MTURN: variants seen among roughly 807,000 people sequenced by gnomAD.
MTURN encodes the protein maturin.
In MTURN, 7 loss-of-function variants were observed where a neutral mutation model predicts 14.9. The ratio of observed to expected loss-of-function variants is 0.47; its 90% CI spans 0.27 to 0.88. MTURN has a LOEUF of 0.88. Ranked by LOEUF, MTURN falls within the 40% of genes least tolerant of loss-of-function variation. The pLI, the probability that MTURN is intolerant of heterozygous loss-of-function variation, is 0.14. For missense variants in MTURN, 151 were observed against 174.1 expected, an observed-to-expected ratio of 0.87 and a Z score of 0.75; for synonymous variants, 69 against 72.5, an observed-to-expected ratio of 0.95 and a Z score of 0.25.
At chr7:30,146,016 A>G in intron 1 of MTURN, 161 bp from the exon 2 acceptor site, 1 of 1,556,748 alleles carries the variant, frequency 6.4e-7, no homozygotes, top group Non-Finnish European at 8.7e-7. Context: ...TTCCCTTTCA[A>G]CGCAAACAAA....
intron 1 of MTURN, among the ~76,000 whole-genome samples, chr7:30,142,981 G>T (rs543721988): frequency 1.1e-4 from 17 of 152,096 alleles, no homozygotes; most frequent in African/African-American, 4.1e-4. Context: ...CTGTGGCCAC[G>T]CCCAGTGGCA....
At position 30,135,047 on chromosome 7, in the gene MTURN, G is replaced by A. The variant is rs1796919746; in HGVS notation, c.-90G>A. ...GCCCGGCCCCGGAGGAGCCCGCGCAGGCCGAGCCGAGCGCCGCGCTGCCCG... is the reference window on the plus strand; with the variant it reads ...GCCCGGCCCCGGAGGAGCCCGCGCAAGCCGAGCCGAGCGCCGCGCTGCCCG... On this transcript the variant is annotated 5_prime_UTR_variant, in exon 1 of 3. Transcript: ENST00000324453. The A allele has an allele frequency of 9.0e-7, 1 of 1,116,530 alleles. No individual in the cohort carries two copies. The highest frequency in any genetic ancestry group is 5.5e-5 in the East Asian group (1 of 18,064). 69.2% of individuals were successfully genotyped at this position (1,116,530 alleles called of 1,614,324 possible). A position where few individuals can be genotyped will look rare whatever the true frequency, so the allele number is the denominator to read the frequency against.
intron 2 of MTURN, 143 bp downstream of exon 2, chr7:30,146,442 C>T (rs1009618243): frequency 2.5e-6 from 3 of 1,205,108 alleles, no homozygotes; most frequent in African/African-American, 1.5e-5. Context: ...GAGATAGCAG[C>T]CAGTATAGGG....
chr7:30,135,040 C>T lies in MTURN; in HGVS notation c.-97C>T. 1.9e-6 allele frequency: 2 copies of T among 1,067,432 alleles called. No homozygotes were observed. Among genetic ancestry groups the T allele is most frequent in the South Asian group, 4.3e-5 (1 of 23,006 alleles). 66.1% of individuals were successfully genotyped at this position (1,067,432 alleles called of 1,614,324 possible). ...CGGCCCAGCCCGGCCCCGGAGGAGC[C>T]CGCGCAGGCCGAGCCGAGCGCCGCG... On this transcript the variant is annotated 5_prime_UTR_variant, in exon 1 of 3. Transcript: ENST00000324453.
chr7:30,137,578 G>T (rs1156735261), intron 1 of MTURN: 1 of 471,084 alleles, frequency 2.1e-6, no homozygotes, highest in Middle Eastern at 3.3e-4. Flanking sequence ...GGATGGGGGT[G>T]GGCAGATGAT....
At chr7:30,150,362 G>T (rs183439101) in intron 2 of MTURN, among the ~76,000 whole-genome samples, 1 of 152,196 alleles carries the variant, frequency 6.6e-6, no homozygotes, top group East Asian at 1.9e-4. Context: ...GCATTAGAAG[G>T]GTAAGTCAAA....
intron 1 of MTURN, chr7:30,137,825 A>G (rs1796989431): frequency 2.8e-6 from 1 of 362,426 alleles, no homozygotes; most frequent in South Asian, 2.1e-5. Context: ...GGACTTAGCA[A>G]TAAGAATGTC....
chr7:30,155,855 C>T (rs1020347991), intron 2 of MTURN, among the ~76,000 whole-genome samples: 1 of 152,152 alleles, frequency 6.6e-6, no homozygotes, highest in African/African-American at 2.4e-5. Flanking sequence ...CCATTTCAGC[C>T]GTGGAGGGAG....
At chr7:30,140,495 A>G (rs1409880117) in intron 1 of MTURN, among the ~76,000 whole-genome samples, 1 of 151,672 alleles carries the variant, frequency 6.6e-6, no homozygotes, top group Non-Finnish European at 1.5e-5. Flanking sequence ...GATAAAGAAA[A>G]TAGAACTTAT....
At chr7:30,147,663 AG>A (rs1797148997) in intron 2 of MTURN, among the ~76,000 whole-genome samples, 1 of 152,228 alleles carries the variant, frequency 6.6e-6, no homozygotes, top group African/African-American at 2.4e-5. Flanking sequence ...TTTATATTTA[AG>A]AAGGTATTTT....
chr7:30,135,238 C>T lies in MTURN; in HGVS notation c.102C>T (p.Tyr34=), dbSNP rs772263154. 2 of 1,517,404 alleles carry T rather than the reference C, an allele frequency of 1.3e-6. No homozygotes were observed. The highest frequency in any genetic ancestry group is 1.7e-4 in the Middle Eastern group (1 of 5,768). 94.0% of individuals were successfully genotyped at this position (1,517,404 alleles called of 1,614,324 possible). A position where few individuals can be genotyped will look rare whatever the true frequency, so the allele number is the denominator to read the frequency against. Residue 34 remains tyrosine, a synonymous_variant, in exon 1 of 3, where the codon TAC becomes TAT. Coordinates refer to ENST00000324453, the MANE Select transcript of MTURN (RefSeq NM_152793.3). ...TEETERRMDF[Y]ADPGVSFYVL... ...AGACCGAACGCAGGATGGATTTCTACGCCGACCCCGGCGTCTCCTTCTATG... is the reference window on the plus strand; with the variant it reads ...AGACCGAACGCAGGATGGATTTCTATGCCGACCCCGGCGTCTCCTTCTATG...
At chr7:30,149,931 T>A (rs997784563) in intron 2 of MTURN, among the ~76,000 whole-genome samples, 1 of 152,176 alleles carries the variant, frequency 6.6e-6, no homozygotes. Flanking sequence ...TCTGTGAGCA[T>A]GTTCTGCAGG....
intron 2 of MTURN, among the ~76,000 whole-genome samples, chr7:30,151,870 C>A (rs921946123): frequency 6.6e-6 from 1 of 152,218 alleles, no homozygotes; most frequent in African/African-American, 2.4e-5. Flanking sequence ...AAAAATCCCC[C>A]TAATTCTGGT....
rs1336650578 is a variant in MTURN at position 30,158,083 on chromosome 7, CTT to C, written c.*536_*537del. On this transcript the variant is annotated 3_prime_UTR_variant, in exon 3 of 3. Coordinates refer to ENST00000324453, the MANE Select transcript of MTURN (RefSeq NM_152793.3). Reference sequence around the variant, plus strand: ...ATACAAGGGCAGGAAAGGATAATCACTTAGCTTTGGACTAAGAGGGTAAGAGA... The same window carrying C: ...ATACAAGGGCAGGAAAGGATAATCACAGCTTTGGACTAAGAGGGTAAGAGA... The C allele has an allele frequency of 1.3e-5, 2 of 152,402 alleles. No homozygotes were observed. The highest frequency in any genetic ancestry group is 4.8e-5 in the African/African-American group (2 of 41,454). The allele number at this position is 152,402 out of a possible 1,614,324, so 9.4% of individuals were successfully genotyped here.
At chr7:30,154,697 C>T (rs1033368203) in intron 2 of MTURN, among the ~76,000 whole-genome samples, 15 of 152,304 alleles carry the variant, frequency 9.8e-5, no homozygotes, top group Non-Finnish European at 2.1e-4. Context: ...TCTTTTTCCA[C>T]ACACCCTCTC....
Position 30,160,104 on chromosome 7 carries a change from T to C in MTURN, c.*2556T>C. 1 of 152,476 alleles carries C rather than the reference T, an allele frequency of 6.6e-6. No individual in the cohort carries two copies. The highest frequency in any genetic ancestry group is 6.5e-5 in the Admixed American group (1 of 15,308). 9.4% of individuals were successfully genotyped at this position (152,476 alleles called of 1,614,324 possible). A position where few individuals can be genotyped will look rare whatever the true frequency, so the allele number is the denominator to read the frequency against. The stretch of plus-strand genomic sequence containing the variant: ...GTCTGTGAACAAGGGGCATTTGCCC[T>C]TCCAGCTGTAAACACTGCCCTTCTG... On this transcript the variant is annotated 3_prime_UTR_variant, in exon 3 of 3. Coordinates refer to ENST00000324453, the MANE Select transcript of MTURN (RefSeq NM_152793.3).
chr7:30,155,386 G>C (rs566326441), intron 2 of MTURN, among the ~76,000 whole-genome samples: 1 of 152,072 alleles, frequency 6.6e-6, no homozygotes, highest in Admixed American at 6.5e-5. Context: ...CTATGTCATC[G>C]AGCAGCTCTC....
chr7:30,141,862 G>T (rs773296980), intron 1 of MTURN, among the ~76,000 whole-genome samples: 3 of 152,094 alleles, frequency 2.0e-5, no homozygotes, highest in Admixed American at 6.5e-5. Flanking sequence ...ATTCAAAATG[G>T]ACTCCCTCGG....
chr7:30,149,424 C>T (rs1165364652), intron 2 of MTURN, among the ~76,000 whole-genome samples: 1 of 152,176 alleles, frequency 6.6e-6, no homozygotes, highest in East Asian at 1.9e-4. Context: ...CGGTTTACCC[C>T]TGAGGGCAAG....
Sources: allele counts gnomAD v4.1 joint callset (sites outside exome capture counted in the v4.1 genomes callset), GRCh38; gene constraint gnomAD v4.1.1; transcripts MANE v1.5; gene names NCBI Gene and HGNC (gene_info 2026-07-23, HGNC 2026-07-21).